Variants in LDLRAD4 observed in about 807,000 individuals in gnomAD.
The protein encoded by LDLRAD4 is low-density lipoprotein receptor class A domain-containing protein 4.
In LDLRAD4, 5 loss-of-function variants were observed where a neutral mutation model predicts 17.0. The observed-to-expected ratio is 0.29, with a 90% CI of 0.15 to 0.62. LDLRAD4 has a LOEUF of 0.62. Among genes scored for constraint, LDLRAD4 ranks in the 20% least tolerant of loss-of-function variants. The probability of loss-of-function intolerance (pLI) is 0.84; values close to 1 mark genes in which losing one functional copy is unlikely to be tolerated. For missense variants in LDLRAD4, 340 were observed against 424.7 expected (o/e 0.80, Z 1.75); for synonymous variants, 168 against 171.8 (o/e 0.98, Z 0.17).
intron 3 of LDLRAD4, among the ~76,000 whole-genome samples, chr18:13,516,489 G>T (rs978016178): frequency 2.6e-5 from 4 of 152,204 alleles, no homozygotes; most frequent in African/African-American, 9.6e-5. Context: ...GCTGTGGAGA[G>T]ACCTGAGGAC....
intron 1 of LDLRAD4, among the ~76,000 whole-genome samples, chr18:13,312,381 C>A (rs182794153): frequency 2.5e-3 from 382 of 152,274 alleles, no homozygotes; most frequent in Non-Finnish European, 3.5e-3. Flanking sequence ...CAAAATGCTT[C>A]TTGTCCCAAG....
chr18:13,257,947 G>A (rs1317902084), intron 1 of LDLRAD4, among the ~76,000 whole-genome samples: 3 of 152,344 alleles, frequency 2.0e-5, no homozygotes, highest in Non-Finnish European at 2.9e-5. Context: ...GCTTAGGCCT[G>A]TAATGCCAGG....
At chr18:13,218,485 T>C (rs1018841408), upstream of LDLRAD4, among the ~76,000 whole-genome samples, 6 of 151,956 alleles carry the variant, frequency 3.9e-5, no homozygotes, top group Non-Finnish European at 7.4e-5. Flanking sequence ...CAGCCCCAAC[T>C]GTCTCCGCGC....
chr18:13,497,268 C>G (rs540604025), intron 3 of LDLRAD4, among the ~76,000 whole-genome samples: 32 of 152,288 alleles, frequency 2.1e-4, no homozygotes, highest in African/African-American at 7.5e-4. Flanking sequence ...TCTTGACTTC[C>G]TGGGCTCAAG....
rs536072791 is a variant in LDLRAD4, at chr18:13,641,567, T to G, written c.337-1792T>G. 2.0e-5 allele frequency among the ~76,000 whole-genome samples: 3 copies of G among 152,348 alleles called. No homozygotes were observed. In the South Asian group the frequency reaches 6.2e-4, roughly 32 times the overall value. ...CGGCCTCTGCCCAGACACTCAGTGC[T>G]GCAGAACAGGAGGGAGGCCGGGGCC... On this transcript the variant is annotated intron_variant, in intron 4 of 5. Transcript: ENST00000359446.
At chr18:13,544,659 G>A (rs1011646407) in intron 3 of LDLRAD4, among the ~76,000 whole-genome samples, 2 of 152,172 alleles carry the variant, frequency 1.3e-5, no homozygotes, top group African/African-American at 4.8e-5. Flanking sequence ...AGGCTAGAAT[G>A]GAGGACAACT....
intron 1 of LDLRAD4, among the ~76,000 whole-genome samples, chr18:13,220,313 C>G (rs1257849047): frequency 1.3e-5 from 2 of 152,216 alleles, no homozygotes; most frequent in Non-Finnish European, 2.9e-5. Flanking sequence ...TCTCTAATTT[C>G]TTAACATTCT....
At chr18:13,448,721 C>T (rs1319189471) in intron 3 of LDLRAD4, among the ~76,000 whole-genome samples, 3 of 151,618 alleles carry the variant, frequency 2.0e-5, no homozygotes, top group Non-Finnish European at 4.4e-5. Flanking sequence ...GGTGCTTTGT[C>T]GCTTGGTTTG....
At chr18:13,512,904 T>C (rs988062481) in intron 3 of LDLRAD4, among the ~76,000 whole-genome samples, 10 of 152,242 alleles carry the variant, frequency 6.6e-5, no homozygotes, top group African/African-American at 2.2e-4. Flanking sequence ...TTTTTTTGGC[T>C]TATTTTATAC....
intron 1 of LDLRAD4, among the ~76,000 whole-genome samples, chr18:13,288,576 A>G (rs960852536): frequency 6.6e-6 from 1 of 152,140 alleles, no homozygotes; most frequent in Admixed American, 6.5e-5. Flanking sequence ...AAAGCCATGC[A>G]GAAGTCACTC....
chr18:13,393,802 T>C (rs1015395075), intron 2 of LDLRAD4, among the ~76,000 whole-genome samples: 4 of 152,204 alleles, frequency 2.6e-5, no homozygotes, highest in Admixed American at 2.0e-4. Flanking sequence ...TCCTTCATTC[T>C]TGTGTTGTGA....
exon 6 of LDLRAD4, chr18:13,652,631 T>C (rs1385050125): frequency 1.3e-5 from 2 of 152,670 alleles, no homozygotes; most frequent in African/African-American, 2.4e-5. Context: ...GTAATTGCAA[T>C]ACTTTTAAAG....
At chr18:13,242,493 A>G (rs2042713330) in intron 1 of LDLRAD4, among the ~76,000 whole-genome samples, 1 of 152,172 alleles carries the variant, frequency 6.6e-6, no homozygotes, top group South Asian at 2.1e-4. Context: ...CACACTTACT[A>G]ATGATAGATT....
At chr18:13,520,795 G>T (rs1165911549) in intron 3 of LDLRAD4, 1 of 152,214 alleles carries the variant, frequency 6.6e-6, no homozygotes, top group Non-Finnish European at 1.5e-5. Flanking sequence ...AGGGGCTGCA[G>T]TGAGCCCTGA....
intron 3 of LDLRAD4, among the ~76,000 whole-genome samples, chr18:13,510,872 T>C (rs1373815979): frequency 6.6e-6 from 1 of 152,086 alleles, no homozygotes; most frequent in Non-Finnish European, 1.5e-5. Flanking sequence ...AGAGGATTAA[T>C]GTGGCTGGGG....
At chr18:13,504,269 G>A (rs2094576911) in intron 3 of LDLRAD4, among the ~76,000 whole-genome samples, 2 of 152,164 alleles carry the variant, frequency 1.3e-5, no homozygotes, top group Admixed American at 1.3e-4. Context: ...CATTACTAAT[G>A]GGTTGCTCCG....
chr18:13,505,016 G>A (rs1377761967), intron 3 of LDLRAD4, among the ~76,000 whole-genome samples: 2 of 152,194 alleles, frequency 1.3e-5, no homozygotes, highest in African/African-American at 4.8e-5. Flanking sequence ...CGGGGATGGG[G>A]ATCTCAGGGG....
chr18:13,511,798 A>G (rs1201577584), intron 3 of LDLRAD4, among the ~76,000 whole-genome samples: 1 of 152,220 alleles, frequency 6.6e-6, no homozygotes, highest in African/African-American at 2.4e-5. Flanking sequence ...GTTGGCTCTC[A>G]GGAATAAAAA....
chr18:13,491,156 C>A (rs2093350068), intron 3 of LDLRAD4: 1 of 152,252 alleles, frequency 6.6e-6, no homozygotes, highest in South Asian at 2.1e-4. Context: ...TCCCTTGCAG[C>A]TGATGGTGAG....
Sources: gnomAD v4.1 joint callset for allele counts (sites outside exome capture counted in the v4.1 genomes callset) on GRCh38, gnomAD v4.1.1 for gene constraint, MANE v1.5 for transcripts, NCBI Gene and HGNC (gene_info 2026-07-23, HGNC 2026-07-21) for gene names.